Variants in TJP1 observed in about 807,000 individuals in gnomAD.
TJP1 encodes tight junction protein ZO-1.
TJP1 carries 43 observed loss-of-function variants against 194.2 expected under a neutral mutation model. The ratio of observed to expected loss-of-function variants is 0.22; its 90% CI spans 0.17 to 0.29. The LOEUF is 0.29. Among genes scored for constraint, TJP1 ranks in the 10% least tolerant of loss-of-function variants. The pLI is 1.00. For synonymous variants in TJP1, 801 were observed against 779.0 expected, an observed-to-expected ratio of 1.03 and a Z score of -0.47; for missense variants, 1,971 against 2,185.7, an observed-to-expected ratio of 0.90 and a Z score of 1.96.
At chr15:29,818,840 G>A (rs1420650599) in intron 1 of TJP1, among the ~76,000 whole-genome samples, 9 of 150,046 alleles carry the variant, frequency 6.0e-5, no homozygotes, top group South Asian at 2.1e-4. Flanking sequence ...TTTTTGAGAC[G>A]GAAGCTCACT....
At chr15:29,772,237 A>G (rs930427092) in intron 3 of TJP1, 71 bp from the exon 4 acceptor site, 16 of 868,380 alleles carry the variant, frequency 1.8e-5, no homozygotes, top group Non-Finnish European at 3.6e-6. Flanking sequence ...GATATTTCCA[A>G]GATAGGTACT....
intron 13 of TJP1, 32 bp from the exon 14 acceptor site, chr15:29,732,847 G>A: frequency 1.9e-6 from 3 of 1,543,402 alleles, no homozygotes; most frequent in Non-Finnish European, 2.6e-6. Context: ...TAAAATAAGG[G>A]CATTTAAAAT....
intron 2 of TJP1, among the ~76,000 whole-genome samples, chr15:29,949,815 CTG>C (rs2055574811): frequency 2.3e-5 from 2 of 86,150 alleles, no homozygotes; most frequent in South Asian, 4.4e-4. Context: ...ATCTTCACCA[CTG>C]CTACCTCCAC....
At chr15:29,906,397 C>T (rs937511957) in intron 2 of TJP1, among the ~76,000 whole-genome samples, 2 of 151,172 alleles carry the variant, frequency 1.3e-5, no homozygotes, top group African/African-American at 4.9e-5. Context: ...TGCTTGAACC[C>T]AGGAAGCGGA....
intron 2 of TJP1, among the ~76,000 whole-genome samples, chr15:29,799,137 T>C (rs557319314): frequency 1.3e-5 from 2 of 152,198 alleles, no homozygotes; most frequent in Middle Eastern, 6.8e-3. Context: ...TGTATGTAAA[T>C]TATACCAATA....
intron 2 of TJP1, among the ~76,000 whole-genome samples, chr15:29,882,668 C>T (rs148305987): frequency 2.6e-4 from 39 of 152,308 alleles, no homozygotes; most frequent in African/African-American, 8.7e-4. Context: ...CTCCATGTGT[C>T]GGACCGAAAG....
chr15:29,961,449 C>T (rs1596331725), intron 1 of TJP1, among the ~76,000 whole-genome samples: 2 of 147,868 alleles, frequency 1.4e-5, no homozygotes, highest in Middle Eastern at 3.5e-3. Context: ...CCCGGGTTCA[C>T]GCCATTCTCC....
At chr15:29,954,887 T>C (rs2152312471) in intron 2 of TJP1, among the ~76,000 whole-genome samples, 1 of 152,236 alleles carries the variant, frequency 6.6e-6, no homozygotes, top group African/African-American at 2.4e-5. Flanking sequence ...GAGACCAGCC[T>C]GGCCAAGATG....
chr15:29,801,019 T>A (rs1372529956), intron 1 of TJP1, among the ~76,000 whole-genome samples: 3 of 152,214 alleles, frequency 2.0e-5, no homozygotes, highest in African/African-American at 7.2e-5. Flanking sequence ...TGGAGCGGTA[T>A]TATCTTAAAA....
At chr15:29,746,878 T>C (rs779806227) in intron 8 of TJP1, among the ~76,000 whole-genome samples, 4 of 151,890 alleles carry the variant, frequency 2.6e-5, no homozygotes, top group African/African-American at 4.8e-5. Context: ...GGTATATTCT[T>C]AATGAGCTGC....
intron 4 of TJP1, among the ~76,000 whole-genome samples, chr15:29,768,061 T>A (rs781505307): frequency 6.6e-6 from 1 of 152,224 alleles, no homozygotes; most frequent in Non-Finnish European, 1.5e-5. Flanking sequence ...CTTTTCTCTC[T>A]TCTCTATGTG....
At position 29,740,211 on chromosome 15, in the gene TJP1, G is replaced by A. The variant is rs926659564; in HGVS notation, c.1256+1120C>T. ...AGGATGGTCTTGATCTCCTGACCTC[G>A]TGATTCGCCCGCCTCGGCCTCCCAA... On this transcript the variant is annotated intron_variant, in intron 10 of 27. Transcript: ENST00000614355. 2.1e-4 allele frequency among the ~76,000 whole-genome samples: 32 copies of A among 152,036 alleles called. 1 individual carries two copies. Among genetic ancestry groups the A allele is most frequent in the African/African-American group, 7.2e-4 (30 of 41,478 alleles).
At chr15:29,812,626 C>T (rs984870462) in intron 1 of TJP1, among the ~76,000 whole-genome samples, 7 of 152,298 alleles carry the variant, frequency 4.6e-5, no homozygotes, top group African/African-American at 1.7e-4. Flanking sequence ...TCTTACAACA[C>T]ACGAACATAA....
At chr15:29,957,052 T>C (rs2055973241) in intron 1 of TJP1, among the ~76,000 whole-genome samples, 1 of 152,178 alleles carries the variant, frequency 6.6e-6, no homozygotes, top group East Asian at 1.9e-4. Context: ...CCAGTACAAG[T>C]GAGCTATCAT....
chr15:29,949,640 TCCA>T (rs1567225737), intron 2 of TJP1, among the ~76,000 whole-genome samples: 58 of 36,608 alleles, frequency 1.6e-3, no homozygotes, highest in East Asian at 8.3e-3. Context: ...CTCCACCACC[TCCA>T]CCACCACCAC....
chr15:29,734,439 T>C (rs901080960), intron 11 of TJP1, 57 bp from the exon 12 acceptor site: 9 of 1,272,638 alleles, frequency 7.1e-6, no homozygotes, highest in Non-Finnish European at 1.0e-5. Flanking sequence ...GAAAATAACA[T>C]ACGCAGGACA....
chr15:29,858,427 C>T (rs114595428), intron 2 of TJP1, among the ~76,000 whole-genome samples: 1,625 of 152,176 alleles, frequency 0.011, 26 homozygotes, highest in African/African-American at 0.038. Context: ...AATATGGAAA[C>T]GCTGCAGGTA....
intron 2 of TJP1, among the ~76,000 whole-genome samples, chr15:29,782,841 A>G (rs1330425919): frequency 1.7e-5 from 1 of 57,960 alleles, no homozygotes; most frequent in African/African-American, 4.5e-5. Flanking sequence ...ATTTTACAAG[A>G]AAAAAAACAA....
chr15:29,819,488 A>G (rs575482206), intron 1 of TJP1, among the ~76,000 whole-genome samples: 169 of 152,346 alleles, frequency 1.1e-3, no homozygotes, highest in African/African-American at 3.8e-3. Context: ...ACTGATGATC[A>G]TAATTACTAA....
Sources: allele counts gnomAD v4.1 joint callset (sites outside exome capture counted in the v4.1 genomes callset), GRCh38; gene constraint gnomAD v4.1.1; transcripts MANE v1.5; gene names NCBI Gene and HGNC (gene_info 2026-07-23, HGNC 2026-07-21).